The following IGSF21 variants were observed in gnomAD, a reference collection of about 807,000 sequenced individuals.
IGSF21 encodes immunoglobulin superfamily member 21.
In IGSF21, 28 loss-of-function variants were observed where a neutral mutation model predicts 46.8. The observed-to-expected ratio is 0.60, with a 90% CI of 0.44 to 0.82. IGSF21 has a LOEUF of 0.82. Among genes scored for constraint, IGSF21 ranks in the 40% least tolerant of loss-of-function variants. The pLI, the probability that IGSF21 is intolerant of heterozygous loss-of-function variation, is 0.00. For synonymous variants in IGSF21, 284 were observed against 273.6 expected (o/e 1.04, Z -0.38); for missense variants, 624 against 665.5 (o/e 0.94, Z 0.69).
chr1:18,175,398 G>A (rs1382353984), intron 1 of IGSF21, among the ~76,000 whole-genome samples: 1 of 152,176 alleles, frequency 6.6e-6, no homozygotes, highest in Non-Finnish European at 1.5e-5. Context: ...GGAGTGAACT[G>A]CAGAGTTAGC....
intron 3 of IGSF21, among the ~76,000 whole-genome samples, chr1:18,305,791 C>T (rs1308326244): frequency 6.6e-6 from 1 of 152,222 alleles, no homozygotes; most frequent in Non-Finnish European, 1.5e-5. Flanking sequence ...TAACAGACTT[C>T]AACTGAGATA....
At chr1:18,318,909 T>C (rs1253219834) in intron 3 of IGSF21, among the ~76,000 whole-genome samples, 1 of 152,196 alleles carries the variant, frequency 6.6e-6, no homozygotes, top group African/African-American at 2.4e-5. Flanking sequence ...TATTCCCAAA[T>C]TGTAGGAAAC....
intron 2 of IGSF21, among the ~76,000 whole-genome samples, chr1:18,250,052 T>G: frequency 8.9e-6 from 1 of 112,504 alleles, no homozygotes; most frequent in East Asian, 2.6e-4. Flanking sequence ...CTCTTTCTCC[T>G]CCCCTCCCTC....
At chr1:18,369,744 T>C (rs1048139701) in intron 6 of IGSF21, among the ~76,000 whole-genome samples, 1 of 152,220 alleles carries the variant, frequency 6.6e-6, no homozygotes, top group Non-Finnish European at 1.5e-5. Flanking sequence ...CAATGAGCCT[T>C]CGCTCCTCCT....
At chr1:18,341,010 T>TCC in intron 4 of IGSF21, among the ~76,000 whole-genome samples, 1 of 98,760 alleles carries the variant, frequency 1.0e-5, no homozygotes, top group South Asian at 4.9e-4. Context: ...CTCCTCCTTC[T>TCC]TCTCTTCTTC....
intron 3 of IGSF21, among the ~76,000 whole-genome samples, chr1:18,297,642 G>A (rs1381971157): frequency 2.0e-5 from 3 of 152,046 alleles, no homozygotes; most frequent in Middle Eastern, 3.2e-3. Flanking sequence ...ACAATCCTAG[G>A]ATTCTCAAGT....
At chr1:18,289,505 G>A (rs1231664228) in intron 2 of IGSF21, among the ~76,000 whole-genome samples, 1 of 152,216 alleles carries the variant, frequency 6.6e-6, no homozygotes, top group Non-Finnish European at 1.5e-5. Flanking sequence ...GAATCATTTT[G>A]CCTCTCCAAG....
At chr1:18,169,516 A>G (rs1459146191) in intron 1 of IGSF21, among the ~76,000 whole-genome samples, 1 of 152,188 alleles carries the variant, frequency 6.6e-6, no homozygotes, top group Non-Finnish European at 1.5e-5. Flanking sequence ...CCACTTCCTC[A>G]TAAGACCCCA....
At chr1:18,377,041 C>G in intron 8 of IGSF21, 49 bp downstream of exon 8, 3 of 1,538,656 alleles carry the variant, frequency 1.9e-6, no homozygotes, top group Non-Finnish European at 2.6e-6. Context: ...AGGGGCGGGT[C>G]CTGTCTGGGA....
At chr1:18,331,432 A>C (rs895195579) in intron 3 of IGSF21, among the ~76,000 whole-genome samples, 1 of 152,176 alleles carries the variant, frequency 6.6e-6, no homozygotes, top group African/African-American at 2.4e-5. Flanking sequence ...TGTGAATGCC[A>C]TTATTTTGTT....
At chr1:18,231,345 C>T (rs1400588533) in intron 2 of IGSF21, among the ~76,000 whole-genome samples, 1 of 152,206 alleles carries the variant, frequency 6.6e-6, no homozygotes, top group South Asian at 2.1e-4. Context: ...TTGGAGCTAA[C>T]AAAACCTCTG....
intron 4 of IGSF21, among the ~76,000 whole-genome samples, chr1:18,346,964 C>T (rs1047578747): frequency 3.9e-5 from 6 of 152,146 alleles, no homozygotes; most frequent in Non-Finnish European, 7.4e-5. Flanking sequence ...CCATGCTGCT[C>T]GCCTGCCTGC....
intron 2 of IGSF21, among the ~76,000 whole-genome samples, chr1:18,233,543 AT>A: frequency 6.6e-6 from 1 of 152,322 alleles, no homozygotes; most frequent in East Asian, 1.9e-4. Context: ...GAAAACATGT[AT>A]TTTGTAAGCT....
intron 2 of IGSF21, among the ~76,000 whole-genome samples, chr1:18,262,957 G>A (rs966605333): frequency 3.3e-5 from 5 of 152,160 alleles, no homozygotes; most frequent in African/African-American, 7.2e-5. Flanking sequence ...TCCCCACCCC[G>A]GGGTAGCTCC....
chr1:18,129,720 G>T (rs1390023867), intron 1 of IGSF21, among the ~76,000 whole-genome samples: 1 of 152,182 alleles, frequency 6.6e-6, no homozygotes, highest in East Asian at 1.9e-4. Context: ...AGGATATGTT[G>T]TGATTTGAAT....
At chr1:18,130,283 T>G (rs1377742150) in intron 1 of IGSF21, among the ~76,000 whole-genome samples, 1 of 152,116 alleles carries the variant, frequency 6.6e-6, no homozygotes, top group East Asian at 1.9e-4. Flanking sequence ...CTCCCTTGCT[T>G]TAGTTCAACT....
chr1:18,338,112 G>A (rs2085790685), intron 4 of IGSF21, among the ~76,000 whole-genome samples: 1 of 152,172 alleles, frequency 6.6e-6, no homozygotes, highest in African/African-American at 2.4e-5. Context: ...ATGGGACTTG[G>A]CCGAGGTTGG....
At chr1:18,260,182 G>T (rs1005619601) in intron 2 of IGSF21, among the ~76,000 whole-genome samples, 1 of 152,246 alleles carries the variant, frequency 6.6e-6, no homozygotes. Context: ...TGTGGAGAGG[G>T]GCAAACAGGA....
At chr1:18,122,701 A>G (rs1225790059) in intron 1 of IGSF21, among the ~76,000 whole-genome samples, 1 of 147,500 alleles carries the variant, frequency 6.8e-6, no homozygotes, top group South Asian at 2.2e-4. Flanking sequence ...GCTCACTACA[A>G]CCTCTGCCTC....
Sources: gnomAD v4.1 joint callset for allele counts (sites outside exome capture counted in the v4.1 genomes callset) on GRCh38, gnomAD v4.1.1 for gene constraint, MANE v1.5 for transcripts, NCBI Gene and HGNC (gene_info 2026-07-23, HGNC 2026-07-21) for gene names.